Variants in IQSEC1 observed in about 807,000 individuals in gnomAD.
The protein encoded by IQSEC1 is IQ motif and SEC7 domain-containing protein 1.
A neutral mutation model predicts 91.0 loss-of-function variants in IQSEC1; 31 were observed. The ratio of observed to expected loss-of-function variants is 0.34; its 90% CI spans 0.26 to 0.46. IQSEC1 has a LOEUF of 0.46. Ranked by LOEUF, IQSEC1 falls within the 20% of genes least tolerant of loss-of-function variation. The pLI is 1.00. For synonymous variants in IQSEC1, 699 were observed against 662.6 expected (o/e 1.05, Z -0.84); for missense variants, 1,388 against 1,575.6 (o/e 0.88, Z 2.02).
chr3:13,069,703 C>T (rs1489305090), intron 1 of IQSEC1, among the ~76,000 whole-genome samples: 1 of 152,236 alleles, frequency 6.6e-6, no homozygotes, highest in Non-Finnish European at 1.5e-5. Context: ...CTCACAGCCT[C>T]ACTTCCTGTG....
At chr3:12,954,376 A>G (rs1699764601) in intron 1 of IQSEC1, among the ~76,000 whole-genome samples, 1 of 152,122 alleles carries the variant, frequency 6.6e-6, no homozygotes. Context: ...CATGGGAAAG[A>G]GCCCGAGGGC....
intron 1 of IQSEC1, among the ~76,000 whole-genome samples, chr3:13,062,328 G>C (rs1705094109): frequency 6.6e-6 from 1 of 152,172 alleles, no homozygotes; most frequent in Admixed American, 6.5e-5. Flanking sequence ...AGGTCACAGA[G>C]ATACCACAGG....
intron 1 of IQSEC1, among the ~76,000 whole-genome samples, chr3:13,057,052 T>G (rs1559241572): frequency 1.2e-4 from 19 of 152,132 alleles, no homozygotes; most frequent in Admixed American, 1.1e-3. Flanking sequence ...CGGACACATA[T>G]GCACACAGAG....
At chr3:13,120,588 G>T (rs907336538) in intron 2 of IQSEC1, among the ~76,000 whole-genome samples, 1 of 152,194 alleles carries the variant, frequency 6.6e-6, no homozygotes, top group African/African-American at 2.4e-5. Flanking sequence ...CTAGAGGGAG[G>T]ATCTAAATAT....
At chr3:12,943,417 G>A (rs907672703) in intron 1 of IQSEC1, among the ~76,000 whole-genome samples, 2 of 152,192 alleles carry the variant, frequency 1.3e-5, no homozygotes, top group South Asian at 2.1e-4. Flanking sequence ...GACGAGCAGG[G>A]AAGGGAGCGA....
intron 2 of IQSEC1, among the ~76,000 whole-genome samples, chr3:13,106,094 G>A (rs1282101294): frequency 1.3e-5 from 2 of 152,136 alleles, no homozygotes; most frequent in African/African-American, 2.4e-5. Context: ...GTGGAGCAGA[G>A]CCCCCCAGCT....
At chr3:13,273,752 C>T (rs571513378) in intron 1 of IQSEC1, among the ~76,000 whole-genome samples, 5 of 152,276 alleles carry the variant, frequency 3.3e-5, no homozygotes, top group Admixed American at 2.6e-4. Context: ...CTCTGCTCAA[C>T]ACCCTCCAGG....
rs1213830618 is a variant in IQSEC1 at position 12,902,670 on chromosome 3, C to CAAAAAA, written c.2805+97_2805+102dup. 1.3e-3 allele frequency: 256 copies of CAAAAAA among 192,560 alleles called. 7 individuals carry two copies. The highest frequency in any genetic ancestry group is 2.3e-3 in the South Asian group (45 of 19,680). 11.9% of individuals were successfully genotyped at this position (192,560 alleles called of 1,614,324 possible). A position where few individuals can be genotyped will look rare whatever the true frequency, so the allele number is the denominator to read the frequency against. On this transcript the variant is annotated intron_variant, in intron 13 of 13. Coordinates refer to ENST00000613206, the MANE Select transcript of IQSEC1 (RefSeq NM_001134382.3). ...AAAAAAAAAACAACAAAAAAAAAACCAAAAAAAAAAAAAAAAAAAAAAAAC... is the reference window on the plus strand; with the variant it reads ...AAAAAAAAAACAACAAAAAAAAAACCAAAAAAAAAAAAAAAAAAAAAAAAAAAAAAC...
intron 1 of IQSEC1, among the ~76,000 whole-genome samples, chr3:13,198,428 C>A (rs1694174705): frequency 6.6e-6 from 1 of 152,100 alleles, no homozygotes; most frequent in Admixed American, 6.6e-5. Flanking sequence ...TCTGAGAACT[C>A]ACCAACCAGG....
chr3:12,937,001 C>T (rs566610511), intron 2 of IQSEC1, among the ~76,000 whole-genome samples: 17 of 151,860 alleles, frequency 1.1e-4, no homozygotes, highest in African/African-American at 3.4e-4. Flanking sequence ...GGCACAATCT[C>T]GGTTCACTGC....
At chr3:13,140,088 C>T (rs1706775745) in intron 2 of IQSEC1, among the ~76,000 whole-genome samples, 1 of 152,222 alleles carries the variant, frequency 6.6e-6, no homozygotes, top group African/African-American at 2.4e-5. Context: ...CACCTCACCC[C>T]AGCAAGCTCC....
intron 1 of IQSEC1, among the ~76,000 whole-genome samples, chr3:13,281,346 G>C (rs984276255): frequency 3.3e-5 from 5 of 152,076 alleles, no homozygotes; most frequent in African/African-American, 1.2e-4. Flanking sequence ...ACAGGCAGTG[G>C]GCGGGGTCTC....
rs774682830 is a variant in IQSEC1, at chr3:12,901,031, GGGC to G, written c.3294_3296del (p.Pro1100del). 6 of 1,543,900 alleles carry G rather than the reference GGGC, an allele frequency of 3.9e-6. No individual in the cohort carries two copies. Among genetic ancestry groups the G allele is most frequent in the Non-Finnish European group, 5.2e-6 (6 of 1,146,704 alleles). ...TGGGTTTGGCCTTGCTGCTGGTGGG[GGGC>G]GGCGGGGCAGGGGGCTGCCCATGGT... On this transcript the variant is annotated inframe_deletion, in exon 14 of 14. Transcript: ENST00000613206.
At chr3:13,077,854 G>A (rs1208341280), upstream of IQSEC1, among the ~76,000 whole-genome samples, 3 of 152,234 alleles carry the variant, frequency 2.0e-5, no homozygotes, top group African/African-American at 7.2e-5. Context: ...TATAACAGTT[G>A]AGCAGCAGTC....
chr3:13,213,954 TC>T (rs1182832922), intron 1 of IQSEC1, among the ~76,000 whole-genome samples: 1 of 152,018 alleles, frequency 6.6e-6, no homozygotes, highest in Non-Finnish European at 1.5e-5. Flanking sequence ...CGCCCAGAAG[TC>T]CCATCTAGGG....
At chr3:13,108,909 A>G (rs1706196496) in intron 2 of IQSEC1, among the ~76,000 whole-genome samples, 1 of 152,210 alleles carries the variant, frequency 6.6e-6, no homozygotes, top group Non-Finnish European at 1.5e-5. Context: ...CCCCCGAGTG[A>G]AACGTCTTGA....
chr3:12,921,308 C>T (rs1330878899), intron 5 of IQSEC1, among the ~76,000 whole-genome samples: 1 of 152,162 alleles, frequency 6.6e-6, no homozygotes, highest in Non-Finnish European at 1.5e-5. Flanking sequence ...GTGGGTGCAC[C>T]TTGCCTCCCG....
rs62242709 is a variant in IQSEC1, at chr3:12,983,165, C to A, written c.24-41300G>T. On this transcript the variant is annotated intron_variant, in intron 1 of 13. Coordinates refer to ENST00000613206, the MANE Select transcript of IQSEC1 (RefSeq NM_001134382.3). The surrounding 1 kb of genome is among the most constrained non-coding windows in gnomAD (Gnocchi z 4.3). ...ATGGCCAGCATTCCGCTGGCCCCAG[C>A]TGCATAATCCAGATCTGAACTGGGT... Among the ~76,000 whole-genome samples, 1 of 152,186 alleles carries A rather than the reference C, an allele frequency of 6.6e-6. No homozygotes were observed.
intron 2 of IQSEC1, among the ~76,000 whole-genome samples, chr3:13,144,149 A>G (rs1706845094): frequency 6.6e-6 from 1 of 152,172 alleles, no homozygotes; most frequent in East Asian, 1.9e-4. Flanking sequence ...ACGGTACCCA[A>G]ATGAATCCTC....
Sources: allele counts gnomAD v4.1 joint callset (sites outside exome capture counted in the v4.1 genomes callset), GRCh38; gene constraint gnomAD v4.1.1; non-coding constraint Gnocchi (gnomAD v3.1); transcripts MANE v1.5; gene names NCBI Gene and HGNC (gene_info 2026-07-23, HGNC 2026-07-21).